CECR2: variants seen among roughly 807,000 people sequenced by gnomAD.
CECR2 encodes CECR2 histone acetyl-lysine reader.
CECR2 carries 30 observed loss-of-function variants against 154.5 expected under a neutral mutation model. The observed-to-expected ratio is 0.19, with a 90% CI of 0.15 to 0.26. The LOEUF is 0.26. Among genes scored for constraint, CECR2 ranks in the 10% least tolerant of loss-of-function variants. The probability of loss-of-function intolerance (pLI) is 1.00; values close to 1 mark genes in which losing one functional copy is unlikely to be tolerated. For synonymous variants in CECR2, 725 were observed against 683.7 expected (o/e 1.06, Z -0.94); for missense variants, 1,743 against 1,829.3 (o/e 0.95, Z 0.86).
intron 2 of CECR2, among the ~76,000 whole-genome samples, chr22:17,492,706 T>C (rs1569118146): frequency 1.3e-5 from 2 of 152,196 alleles, no homozygotes; most frequent in Admixed American, 6.5e-5. Flanking sequence ...AGAAATAAAA[T>C]AGACCTTGTT....
intron 15 of CECR2, 34 bp downstream of exon 15, chr22:17,542,001 G>A: frequency 1.3e-6 from 2 of 1,598,648 alleles, no homozygotes; most frequent in Non-Finnish European, 8.5e-7. Flanking sequence ...CAGGTGCAGG[G>A]GGTCCCACAG....
At chr22:17,477,480 C>T (rs73157564) in intron 1 of CECR2, 108 bp from the exon 2 acceptor site, 14 of 747,350 alleles carry the variant, frequency 1.9e-5, no homozygotes, top group Non-Finnish European at 2.3e-5. Flanking sequence ...CAAGTCCTTC[C>T]GCTGCTGGGA....
At chr22:17,449,556 G>C (rs5747156) in intron 1 of CECR2, among the ~76,000 whole-genome samples, 43,041 of 134,624 alleles carry the variant, frequency 0.32, 9,155 homozygotes, top group African/African-American at 0.59. Flanking sequence ...GTGGCATGAT[G>C]TTGGCTCACT....
At chr22:17,369,240 C>A (rs1204759711), upstream of CECR2, 1 of 151,836 alleles carries the variant, frequency 6.6e-6, no homozygotes, top group African/African-American at 2.4e-5. Context: ...GCGGAGGGCG[C>A]CTCGTGAGAG....
At position 17,548,499 on chromosome 22, in the gene CECR2, T is replaced by G. The variant is rs756055357; in HGVS notation, c.3212T>G (p.Leu1071Arg). Residue 1071 changes from leucine (L) to arginine (R), a missense_variant, in exon 17 of 19, where the codon CTT becomes CGT. By Grantham distance (102) the Leu-to-Arg change is moderately radical (BLOSUM62 -2). This residue lies in a region of CECR2 where 1,250 missense variants were observed against 1,192.1 expected (regional missense o/e 1.05). Transcript: ENST00000262608. ...CCTTGTGGATCGGAGGGGAAGGGCC[T>G]TGGTAGCAGTGGTTCCGAAAAGCTG... ...ASPCGSEGKGLGSSGSEKLLC... is the reference protein window; with the variant it reads ...ASPCGSEGKGRGSSGSEKLLC... The G allele has an allele frequency of 3.1e-6, 5 of 1,613,792 alleles. No individual in the cohort carries two copies. In the Admixed American group the frequency reaches 8.3e-5, roughly 27 times the overall value.
At chr22:17,391,435 A>G (rs368276507) in intron 1 of CECR2, among the ~76,000 whole-genome samples, 1 of 152,262 alleles carries the variant, frequency 6.6e-6, no homozygotes, top group East Asian at 1.9e-4. Flanking sequence ...GATTGGAATC[A>G]CTCTGGCTCC....
chr22:17,409,308 T>G lies in CECR2; in HGVS notation c.126+39399T>G, dbSNP rs2146561500. Reference sequence around the variant, plus strand: ...CCACCACACCCAGCTAATTTTTGTATTTTTAATAGAGACGGGGTTTCACCA... The same window carrying G: ...CCACCACACCCAGCTAATTTTTGTAGTTTTAATAGAGACGGGGTTTCACCA... On this transcript the variant is annotated intron_variant, in intron 1 of 18. Coordinates refer to ENST00000262608, the MANE Select transcript of CECR2 (RefSeq NM_001290047.2). 1.8e-5 allele frequency among the ~76,000 whole-genome samples: 2 copies of G among 111,306 alleles called. 1 individual carries two copies. The highest frequency in any genetic ancestry group is 4.0e-4 in the East Asian group (2 of 4,948). The allele number at this position is 111,306 out of a possible 152,430, so 73.0% of individuals were successfully genotyped here.
chr22:17,408,579 G>A (rs928534507), intron 1 of CECR2, among the ~76,000 whole-genome samples: 3 of 152,184 alleles, frequency 2.0e-5, no homozygotes, highest in African/African-American at 7.2e-5. Flanking sequence ...CACCCAAGAT[G>A]TTTCCGAAAC....
intron 2 of CECR2, among the ~76,000 whole-genome samples, chr22:17,482,902 C>T (rs1394722102): frequency 2.0e-5 from 3 of 151,946 alleles, no homozygotes; most frequent in Non-Finnish European, 4.4e-5. Flanking sequence ...AGGATGGTCT[C>T]GATCTCCTGA....
intron 1 of CECR2, chr22:17,419,218 C>T (rs955829344): frequency 6.5e-6 from 1 of 153,824 alleles, no homozygotes; most frequent in Non-Finnish European, 1.4e-5. Flanking sequence ...CCTGGGGCGC[C>T]CCTCCTCCCA....
intron 2 of CECR2, among the ~76,000 whole-genome samples, chr22:17,478,244 A>T (rs930243433): frequency 1.3e-5 from 2 of 152,146 alleles, no homozygotes; most frequent in South Asian, 4.1e-4. Context: ...GGGCAAACTC[A>T]CAAAAAGGTG....
intron 2 of CECR2, among the ~76,000 whole-genome samples, chr22:17,483,518 T>C (rs1030324322): frequency 6.6e-5 from 10 of 151,876 alleles, no homozygotes; most frequent in Admixed American, 1.3e-4. Context: ...ACTAGGGAGG[T>C]TGAGGTGGGA....
Position 17,524,175 on chromosome 22 carries a change from C to A in CECR2, c.1012C>A (p.Arg338Ser). Residue 338 changes from arginine to serine, a missense_variant, in exon 9 of 19, where the codon CGT (arginine) becomes AGT (serine). By Grantham distance (110) the Arg-to-Ser change is moderately radical. This residue lies in a region of CECR2 where 292 missense variants were observed against 301.2 expected (regional missense o/e 0.97). Coordinates refer to ENST00000262608, the MANE Select transcript of CECR2 (RefSeq NM_001290047.2). The part of the protein sequence containing the change: ...KQKRKEEEEE[R>S]QILLAVQKKE... The stretch of plus-strand genomic sequence containing the variant: ...AAAGCGCAAAGAGGAGGAAGAAGAG[C>A]GTCAGATTCTTCTAGCAGTGCAGAA... The A allele has an allele frequency of 6.2e-7, 1 of 1,606,694 alleles. No homozygotes were observed. The highest frequency in any genetic ancestry group is 8.5e-7 in the Non-Finnish European group (1 of 1,176,672).
chr22:17,414,781 G>C lies in CECR2; in HGVS notation c.126+44872G>C, dbSNP rs77104515. ...CATTTTCACATGCTCTCTAGGACGGGAGAAAAATGGTTGGGGTGAGGCGTT... is the reference window on the plus strand; with the variant it reads ...CATTTTCACATGCTCTCTAGGACGGCAGAAAAATGGTTGGGGTGAGGCGTT... On this transcript the variant is annotated intron_variant, in intron 1 of 18. Coordinates refer to ENST00000262608, the MANE Select transcript of CECR2 (RefSeq NM_001290047.2). 6.1e-3 allele frequency among the ~76,000 whole-genome samples: 921 copies of C among 152,110 alleles called. 9 individuals carry two copies. Among genetic ancestry groups the C allele is most frequent in the African/African-American group, 0.021 (854 of 41,486 alleles).
At chr22:17,439,390 TA>T (rs1449575321) in intron 1 of CECR2, among the ~76,000 whole-genome samples, 1 of 151,588 alleles carries the variant, frequency 6.6e-6, no homozygotes, top group Non-Finnish European at 1.5e-5. Flanking sequence ...TTCTAAGGCA[TA>T]AAAAAACATG....
chr22:17,512,289 G>A (rs935383492), intron 8 of CECR2, among the ~76,000 whole-genome samples: 6 of 152,090 alleles, frequency 3.9e-5, no homozygotes, highest in Non-Finnish European at 8.8e-5. Context: ...GGAGCAAAGA[G>A]GGTGGGAGAG....
At chr22:17,360,842 TCAAACAAACAAA>T (rs112098808) in intron 1 of CECR2, among the ~76,000 whole-genome samples, 5 of 149,948 alleles carry the variant, frequency 3.3e-5, no homozygotes, top group African/African-American at 7.4e-5. Context: ...AGACCCTGTC[TCAAACAAACAAA>T]CAAACAAACA....
chr22:17,542,310 A>G lies in CECR2; in HGVS notation c.2167A>G (p.Met723Val), dbSNP rs1345084527. Residue 723 changes from methionine (M) to valine (V), a missense_variant, in exon 16 of 19, where the codon ATG becomes GTG. Around this residue, in one of 4 missense-constraint regions of CECR2, gnomAD observed 1,250 missense variants for 1,192.1 expected, o/e 1.05. Transcript: ENST00000262608. Reference sequence around the variant, plus strand: ...AAGTGGCCCAAGTCAGGATGGAAGCATGTATGCTCCAGCTCAGTTCCAGCC... The same window carrying G: ...AAGTGGCCCAAGTCAGGATGGAAGCGTGTATGCTCCAGCTCAGTTCCAGCC... Reference protein sequence around the residue: ...QISGPSQDGSMYAPAQFQPGF... With the variant: ...QISGPSQDGSVYAPAQFQPGF... 1 of 1,612,798 alleles carries G rather than the reference A, an allele frequency of 6.2e-7. No homozygotes were observed. The highest frequency in any genetic ancestry group is 2.2e-5 in the East Asian group (1 of 44,820).
At chr22:17,500,911 A>T (rs2055725926) in intron 5 of CECR2, among the ~76,000 whole-genome samples, 176 bp downstream of exon 5, 1 of 152,206 alleles carries the variant, frequency 6.6e-6, no homozygotes, top group Non-Finnish European at 1.5e-5. Flanking sequence ...TTAGTGTGTG[A>T]CATCTGGCAA....
Sources: allele counts gnomAD v4.1 joint callset (sites outside exome capture counted in the v4.1 genomes callset), GRCh38; gene constraint gnomAD v4.1.1; regional missense constraint gnomAD v4.1.1; transcripts MANE v1.5; gene names NCBI Gene and HGNC (gene_info 2026-07-23, HGNC 2026-07-21).